FAF1: variants seen among roughly 807,000 people sequenced by gnomAD.
The protein encoded by FAF1 is Fas associated factor 1.
Under a neutral mutation model 92.5 loss-of-function variants are expected in FAF1, and 25 were observed. That is an observed-to-expected ratio of 0.27 (90% CI 0.20 to 0.38). FAF1 has a LOEUF of 0.38. Ranked by LOEUF, FAF1 falls within the 10% of genes least tolerant of loss-of-function variation. The pLI is 1.00. For missense variants in FAF1, 636 were observed against 793.3 expected (o/e 0.80, Z 2.38); for synonymous variants, 234 against 273.2 (o/e 0.86, Z 1.42).
chr1:50,476,208 T>G (rs1646638029), intron 17 of FAF1, among the ~76,000 whole-genome samples: 1 of 152,248 alleles, frequency 6.6e-6, no homozygotes, highest in Non-Finnish European at 1.5e-5. Context: ...TGGACAATAC[T>G]GTGAATATAA....
intron 1 of FAF1, among the ~76,000 whole-genome samples, chr1:50,927,024 C>G (rs187697672): frequency 2.8e-4 from 43 of 152,242 alleles, no homozygotes; most frequent in African/African-American, 9.1e-4. Context: ...AGAACAAACA[C>G]TAAATAATTC....
At chr1:50,760,223 C>T (rs1319487450) in intron 4 of FAF1, among the ~76,000 whole-genome samples, 2 of 152,062 alleles carry the variant, frequency 1.3e-5, no homozygotes, top group East Asian at 1.9e-4. Flanking sequence ...CTTAGACTCC[C>T]ACACATTAAT....
At chr1:50,631,920 T>G (rs774395514) in intron 8 of FAF1, among the ~76,000 whole-genome samples, 38 of 152,336 alleles carry the variant, frequency 2.5e-4, no homozygotes, top group Non-Finnish European at 5.0e-4. Flanking sequence ...TTAAAATGAT[T>G]GTCCTGTTTT....
intron 4 of FAF1, among the ~76,000 whole-genome samples, chr1:50,753,517 A>G (rs1659954473): frequency 6.6e-6 from 1 of 152,222 alleles, no homozygotes. Context: ...AGAAACTACC[A>G]AAGTGTTTTA....
intron 6 of FAF1, among the ~76,000 whole-genome samples, chr1:50,728,242 G>A (rs907249402): frequency 1.3e-5 from 2 of 152,094 alleles, no homozygotes; most frequent in South Asian, 2.1e-4. Flanking sequence ...TTGAGTAGAG[G>A]CCTAAATAAA....
At chr1:50,801,777 T>C (rs1661999615) in intron 2 of FAF1, 100 bp from the exon 3 acceptor site, 1 of 684,858 alleles carries the variant, frequency 1.5e-6, no homozygotes, top group Admixed American at 2.2e-5. Context: ...TTTAAAAATG[T>C]ATTTAAACAT....
At chr1:50,492,603 A>G (rs1254067505) in intron 15 of FAF1, among the ~76,000 whole-genome samples, 1 of 152,208 alleles carries the variant, frequency 6.6e-6, no homozygotes, top group African/African-American at 2.4e-5. Context: ...ATAAATACCC[A>G]CACCTGTCTA....
chr1:50,507,801 T>G (rs1239505489), intron 15 of FAF1, among the ~76,000 whole-genome samples: 2 of 152,220 alleles, frequency 1.3e-5, no homozygotes, highest in Non-Finnish European at 2.9e-5. Context: ...TTCCCCAGGT[T>G]ATGGTCTAAT....
chr1:50,889,215 T>C (rs867225208), intron 1 of FAF1, among the ~76,000 whole-genome samples: 5 of 152,190 alleles, frequency 3.3e-5, no homozygotes, highest in Middle Eastern at 3.4e-3. Flanking sequence ...GTGATATCCC[T>C]TTTATCATTT....
chr1:50,827,885 T>C (rs1278952726), intron 2 of FAF1, among the ~76,000 whole-genome samples: 4 of 152,202 alleles, frequency 2.6e-5, no homozygotes, highest in Admixed American at 2.6e-4. Context: ...GGATATTCTA[T>C]GTTCATAGAT....
intron 9 of FAF1, among the ~76,000 whole-genome samples, chr1:50,588,084 C>T (rs904903152): frequency 4.6e-5 from 7 of 152,126 alleles, no homozygotes; most frequent in African/African-American, 1.4e-4. Context: ...GTCAGGAGTT[C>T]GAGACCAGCC....
At chr1:50,869,421 T>C (rs1236744507) in intron 1 of FAF1, among the ~76,000 whole-genome samples, 1 of 152,188 alleles carries the variant, frequency 6.6e-6, no homozygotes, top group African/African-American at 2.4e-5. Context: ...TCCCATTCTC[T>C]GGTGGCTTTT....
chr1:50,643,922 T>C (rs925379009), intron 8 of FAF1, among the ~76,000 whole-genome samples: 14 of 151,988 alleles, frequency 9.2e-5, no homozygotes, highest in Non-Finnish European at 1.5e-4. Context: ...CTTTGTTCTC[T>C]TTTATATATT....
intron 2 of FAF1, among the ~76,000 whole-genome samples, chr1:50,802,303 G>A (rs999544653): frequency 6.6e-6 from 1 of 151,978 alleles, no homozygotes; most frequent in Non-Finnish European, 1.5e-5. Flanking sequence ...TTGGTCAGGC[G>A]GGTCTCGAAC....
intron 2 of FAF1, chr1:50,846,625 C>A (rs1193743718): frequency 7.6e-6 from 4 of 529,686 alleles, no homozygotes; most frequent in Non-Finnish European, 1.5e-5. Flanking sequence ...AGATCTCCAC[C>A]CACAATCAGT....
intron 7 of FAF1, among the ~76,000 whole-genome samples, chr1:50,691,439 A>C (rs1656919264): frequency 6.6e-6 from 1 of 151,788 alleles, no homozygotes; most frequent in Admixed American, 6.6e-5. Context: ...GATGGGTTTC[A>C]CCATGTTGCC....
chr1:50,625,365 GGATA>G (rs1481601470), intron 8 of FAF1, among the ~76,000 whole-genome samples: 1 of 152,172 alleles, frequency 6.6e-6, no homozygotes, highest in Non-Finnish European at 1.5e-5. Flanking sequence ...ATGTACCTAA[GGATA>G]GAGAGAGAAA....
chr1:50,597,371 C>A (rs1305988581), intron 8 of FAF1, among the ~76,000 whole-genome samples: 1 of 151,192 alleles, frequency 6.6e-6, no homozygotes, highest in Non-Finnish European at 1.5e-5. Flanking sequence ...TTATTCAATT[C>A]AATTATTTAG....
At chr1:50,780,748 A>C (rs1476210429) in intron 4 of FAF1, 2 of 294,202 alleles carry the variant, frequency 6.8e-6, no homozygotes, top group Non-Finnish European at 6.8e-6. Flanking sequence ...GATGCTGGAG[A>C]ACAAATCACC....
Sources: allele counts gnomAD v4.1 joint callset (sites outside exome capture counted in the v4.1 genomes callset), GRCh38; gene constraint gnomAD v4.1.1; transcripts MANE v1.5; gene names NCBI Gene and HGNC (gene_info 2026-07-23, HGNC 2026-07-21).